Variants in PDE1A observed in about 807,000 individuals in gnomAD.
PDE1A encodes the protein phosphodiesterase 1A, also known as dual specificity calcium/calmodulin-dependent 3',5'-cyclic nucleotide phosphodiesterase 1A.
A neutral mutation model predicts 61.7 loss-of-function variants in PDE1A; 35 were observed. The ratio of observed to expected loss-of-function variants is 0.57; its 90% CI spans 0.43 to 0.75. PDE1A has a LOEUF of 0.75. PDE1A is among the 30% of genes least tolerant of loss of function. The pLI is 0.00. For missense variants in PDE1A, 597 were observed against 630.6 expected (o/e 0.95, Z 0.57); for synonymous variants, 232 against 213.2 (o/e 1.09, Z -0.77).
chr2:182,292,223 C>A (rs936764195), intron 1 of PDE1A, among the ~76,000 whole-genome samples: 1 of 152,006 alleles, frequency 6.6e-6, no homozygotes, highest in Non-Finnish European at 1.5e-5. Context: ...CTAATCCTAT[C>A]ATCTGATTAG....
At chr2:182,513,786 G>C (rs1443573426) in intron 2 of PDE1A, among the ~76,000 whole-genome samples, 1 of 152,200 alleles carries the variant, frequency 6.6e-6, no homozygotes, top group African/African-American at 2.4e-5. Flanking sequence ...AAAAAGAGCA[G>C]AGACTGCTAT....
the PDE1A span, among the ~76,000 whole-genome samples, chr2:182,687,814 C>T: frequency 6.6e-6 from 1 of 152,118 alleles, no homozygotes; most frequent in Non-Finnish European, 1.5e-5. Context: ...CTAGAACAAC[C>T]AATGCAGAGA....
chr2:182,674,220 C>A, the PDE1A span, among the ~76,000 whole-genome samples: 1 of 151,944 alleles, frequency 6.6e-6, no homozygotes, highest in Non-Finnish European at 1.5e-5. Flanking sequence ...ATACACTAAA[C>A]CACTATGTGA....
chr2:182,424,652 C>A (rs1703491796), intron 1 of PDE1A, among the ~76,000 whole-genome samples: 1 of 152,220 alleles, frequency 6.6e-6, no homozygotes, highest in Non-Finnish European at 1.5e-5. Context: ...GTACAACTAG[C>A]TATCGGGAAG....
At chr2:182,291,823 C>T (rs1694551329) in intron 1 of PDE1A, among the ~76,000 whole-genome samples, 1 of 152,070 alleles carries the variant, frequency 6.6e-6, no homozygotes, top group Admixed American at 6.6e-5. Flanking sequence ...TTTGCCTATT[C>T]ATAGGATTTA....
chr2:182,662,429 C>T, the PDE1A span, among the ~76,000 whole-genome samples: 1 of 152,066 alleles, frequency 6.6e-6, no homozygotes, highest in South Asian at 2.1e-4. Context: ...CACTACCCTG[C>T]TTCAAACTAT....
chr2:182,207,309 T>C (rs1687190886), intron 7 of PDE1A, among the ~76,000 whole-genome samples: 1 of 152,216 alleles, frequency 6.6e-6, no homozygotes, highest in South Asian at 2.1e-4. Flanking sequence ...TATTTGGGAC[T>C]CTGAGTATTT....
At chr2:182,518,844 C>T (rs1690379343) in intron 2 of PDE1A, among the ~76,000 whole-genome samples, 1 of 152,000 alleles carries the variant, frequency 6.6e-6, no homozygotes, top group Non-Finnish European at 1.5e-5. Flanking sequence ...TGCTCATTTT[C>T]AGTTTTCTGA....
the PDE1A span, among the ~76,000 whole-genome samples, chr2:182,643,518 T>A: frequency 6.6e-6 from 1 of 152,200 alleles, no homozygotes; most frequent in Non-Finnish European, 1.5e-5. Flanking sequence ...CATAACTTTC[T>A]TCCCAATATG....
chr2:182,685,850 C>T, the PDE1A span, among the ~76,000 whole-genome samples: 1 of 152,196 alleles, frequency 6.6e-6, no homozygotes, highest in African/African-American at 2.4e-5. Context: ...TAACAAAAGT[C>T]TCCTCTGCTA....
downstream of PDE1A, among the ~76,000 whole-genome samples, chr2:182,145,427 G>C (rs900522848): frequency 1.3e-5 from 2 of 151,928 alleles, no homozygotes; most frequent in African/African-American, 4.8e-5. Context: ...TGAGCGGGCC[G>C]CACACAAATG....
At chr2:182,200,938 C>T (rs1407862908) in intron 10 of PDE1A, among the ~76,000 whole-genome samples, 1 of 152,176 alleles carries the variant, frequency 6.6e-6, no homozygotes, top group African/African-American at 2.4e-5. Flanking sequence ...GCAGAGAACG[C>T]CAGTCACAAT....
At chr2:182,469,353 G>C (rs1263159151) in intron 2 of PDE1A, among the ~76,000 whole-genome samples, 1 of 151,870 alleles carries the variant, frequency 6.6e-6, no homozygotes, top group Non-Finnish European at 1.5e-5. Flanking sequence ...TTTATGTTAG[G>C]AAGACAGCTT....
At chr2:182,628,054 GCACACACACA>G in the PDE1A span, among the ~76,000 whole-genome samples, 6 of 150,774 alleles carry the variant, frequency 4.0e-5, no homozygotes, top group Admixed American at 6.6e-5. Context: ...GTGTATGTGT[GCACACACACA>G]CACACACACA....
At chr2:182,517,917 A>G (rs916413031) in intron 2 of PDE1A, among the ~76,000 whole-genome samples, 3 of 152,214 alleles carry the variant, frequency 2.0e-5, no homozygotes, top group Admixed American at 6.5e-5. Context: ...CCTGGCTGAA[A>G]GGAAAACGGA....
At chr2:182,540,383 AAAGCAGCAGCAGCAG>A in the PDE1A span, among the ~76,000 whole-genome samples, 1 of 72,754 alleles carries the variant, frequency 1.4e-5, no homozygotes, top group Non-Finnish European at 3.4e-5. Context: ...AAAAAAAAAA[AAAGCAGCAGCAGCAG>A]CAGCAGCAGC....
intron 2 of PDE1A, among the ~76,000 whole-genome samples, chr2:182,250,477 C>T (rs1243409017): frequency 6.6e-6 from 1 of 152,132 alleles, no homozygotes; most frequent in East Asian, 1.9e-4. Context: ...TTTCAGGCCA[C>T]CACTGAAGCA....
the PDE1A span, among the ~76,000 whole-genome samples, chr2:182,703,576 G>T: frequency 1.3e-5 from 2 of 152,060 alleles, no homozygotes; most frequent in African/African-American, 4.8e-5. Context: ...AAAATCTAAA[G>T]AAGAAAAAAT....
Position 182,238,223 on chromosome 2 carries a change from C to A in PDE1A, c.350+1887G>T, listed in dbSNP as rs556790628. Among the ~76,000 whole-genome samples, 163 of 146,928 alleles carry A rather than the reference C, an allele frequency of 1.1e-3. 3 individuals are homozygous for A. Among genetic ancestry groups the A allele is most frequent in the Non-Finnish European group, 5.6e-4 (38 of 67,262 alleles). On this transcript the variant is annotated intron_variant, in intron 3 of 13. Coordinates refer to ENST00000351439, the Ensembl canonical transcript of PDE1A. ...GGCGGAGCTTGCAGGGAGCCGAGAT[C>A]GCGCCACTGCACCCCAACCTGGGTG... is the stretch of plus-strand genomic sequence containing the variant.
Sources: allele counts gnomAD v4.1 joint callset (sites outside exome capture counted in the v4.1 genomes callset), GRCh38; gene constraint gnomAD v4.1.1; transcripts MANE v1.5; gene names NCBI Gene and HGNC (gene_info 2026-07-23, HGNC 2026-07-21).